Variants in SPATA6 observed in about 807,000 individuals in gnomAD.
SPATA6 encodes spermatogenesis-associated protein 6.
SPATA6 carries 56 observed loss-of-function variants against 65.3 expected under a neutral mutation model. The observed-to-expected ratio is 0.86, with a 90% confidence interval of 0.69 to 1.07. The LOEUF (loss-of-function observed/expected upper bound fraction) is 1.07, where lower values mean the gene tolerates loss of function less well. Ranked by LOEUF, SPATA6 falls within the 50% of genes least tolerant of loss-of-function variation. SPATA6 has a pLI of 0.00. For missense variants in SPATA6, 590 were observed against 594.8 expected (o/e 0.99, Z 0.08); for synonymous variants, 199 against 213.2 (o/e 0.93, Z 0.58).
intron 10 of SPATA6, among the ~76,000 whole-genome samples, chr1:48,358,829 A>G (rs910271055): frequency 2.6e-5 from 4 of 152,172 alleles, no homozygotes; most frequent in Admixed American, 2.6e-4. Flanking sequence ...TATATCCACT[A>G]TGAATACTTT....
chr1:48,291,905 T>C (rs112702519), downstream of SPATA6, among the ~76,000 whole-genome samples: 4,033 of 152,302 alleles, frequency 0.026, 52 homozygotes, highest in South Asian at 0.06. Context: ...ATTGCTTCTT[T>C]ATGTTTATGG....
intron 9 of SPATA6, among the ~76,000 whole-genome samples, chr1:48,368,984 C>T (rs1212953333): frequency 6.6e-6 from 1 of 152,148 alleles, no homozygotes; most frequent in Non-Finnish European, 1.5e-5. Context: ...TGTGGATGTC[C>T]TTTCTGTTTG....
intron 4 of SPATA6, among the ~76,000 whole-genome samples, chr1:48,411,893 C>T (rs1318500412): frequency 7.4e-5 from 11 of 149,132 alleles, no homozygotes; most frequent in African/African-American, 9.9e-5. Context: ...GATGGAGTTT[C>T]ACTCTTTTTG....
intron 3 of SPATA6, among the ~76,000 whole-genome samples, chr1:48,448,680 C>T (rs942176173): frequency 2.0e-5 from 3 of 152,124 alleles, no homozygotes. Context: ...GGAAACATTC[C>T]ATACAACAGA....
chr1:48,359,883 T>C, intron 9 of SPATA6, 113 bp from the exon 10 acceptor site: 1 of 765,382 alleles, frequency 1.3e-6, no homozygotes, highest in Non-Finnish European at 1.9e-6. Flanking sequence ...ACACACACAC[T>C]AATTTTATAA....
At chr1:48,288,384 C>G in the SPATA6 span, among the ~76,000 whole-genome samples, 2,990 of 152,224 alleles carry the variant, frequency 0.02, 119 homozygotes, top group East Asian at 0.2. Flanking sequence ...GATGGCTGAA[C>G]AGGAACAGCT....
At chr1:48,264,281 A>G in the SPATA6 span, among the ~76,000 whole-genome samples, 1 of 152,202 alleles carries the variant, frequency 6.6e-6, no homozygotes, top group East Asian at 1.9e-4. Context: ...TAAGGCATAC[A>G]AAGGATCTTC....
intron 4 of SPATA6, among the ~76,000 whole-genome samples, chr1:48,411,812 TTA>T (rs1472455616): frequency 6.6e-6 from 1 of 152,204 alleles, no homozygotes; most frequent in Non-Finnish European, 1.5e-5. Flanking sequence ...GGTCCAACAT[TTA>T]TATGTCAGTT....
chr1:48,399,304 A>G lies in SPATA6; in HGVS notation c.780+47T>C, dbSNP rs754329604. The G allele has an allele frequency of 3.9e-6, 6 of 1,556,048 alleles. No homozygotes were observed. In the South Asian group the frequency reaches 4.9e-5, roughly 13 times the overall value. On this transcript the variant is annotated intron_variant, in intron 7 of 12. Coordinates refer to ENST00000371847, the MANE Select transcript of SPATA6 (RefSeq NM_019073.4). ...ATTTCAGAATAACAGTTTTTTTGGG[A>G]AAAAAGCTGATCAGTTTCAAATAGA...
chr1:48,446,555 T>C (rs565056084), intron 3 of SPATA6, among the ~76,000 whole-genome samples: 1 of 152,222 alleles, frequency 6.6e-6, no homozygotes, highest in South Asian at 2.1e-4. Flanking sequence ...TCCTCTAATA[T>C]ACAAAGCTTC....
intron 3 of SPATA6, among the ~76,000 whole-genome samples, chr1:48,413,659 C>T (rs1233058011): frequency 6.6e-6 from 1 of 151,846 alleles, no homozygotes; most frequent in Non-Finnish European, 1.5e-5. Context: ...GTGGTGAGTA[C>T]AGTGAGATAC....
At position 48,399,404 on chromosome 1, in the gene SPATA6, C is replaced by T; in HGVS notation, c.727G>A (p.Gly243Arg). Residue 243 changes from glycine to arginine, a missense_variant, in exon 7 of 13, where the codon GGA (glycine) becomes AGA (arginine). Physicochemically the swap from Gly to Arg is moderately radical, Grantham distance 125 (BLOSUM62 -2). Coordinates refer to ENST00000371847, the MANE Select transcript of SPATA6 (RefSeq NM_019073.4). ...GTTTCTTTTTTGAACTCATAGGGTC[C>T]CAGATTTAAATGGGCCAGCCGCCGC... ...TRRRLAHLNL[G>R]PYEFKKETDK... 1 of 1,613,010 alleles carries T rather than the reference C, an allele frequency of 6.2e-7. No individual in the cohort carries two copies. The highest frequency in any genetic ancestry group is 1.3e-5 in the African/African-American group (1 of 74,902).
chr1:48,411,428 C>T (rs529406626), intron 5 of SPATA6, 36 bp downstream of exon 5: 96 of 1,581,966 alleles, frequency 6.1e-5, no homozygotes, highest in Non-Finnish European at 8.3e-5. Flanking sequence ...AATGATTTTC[C>T]ATCAAAAACT....
At chr1:48,337,250 G>A (rs936362743) in intron 11 of SPATA6, among the ~76,000 whole-genome samples, 1 of 151,770 alleles carries the variant, frequency 6.6e-6, no homozygotes, top group South Asian at 2.1e-4. Flanking sequence ...TGAAAATCAA[G>A]TGATTTGCTA....
intron 8 of SPATA6, among the ~76,000 whole-genome samples, 153 bp from the exon 9 acceptor site, chr1:48,385,502 C>T (rs1570407418): frequency 6.6e-6 from 1 of 152,044 alleles, no homozygotes; most frequent in African/African-American, 2.4e-5. Context: ...GGATAATAAT[C>T]CATTAGTTAA....
chr1:48,365,371 T>A (rs1285731125), intron 9 of SPATA6, among the ~76,000 whole-genome samples: 1 of 152,206 alleles, frequency 6.6e-6, no homozygotes. Flanking sequence ...TGGCATTGAA[T>A]CTGTAAATTA....
At chr1:48,285,927 T>A in the SPATA6 span, among the ~76,000 whole-genome samples, 2 of 152,212 alleles carry the variant, frequency 1.3e-5, no homozygotes, top group Non-Finnish European at 2.9e-5. Context: ...TTGAGGAGAC[T>A]ATCCTCTCCA....
At position 48,471,986 on chromosome 1, in the gene SPATA6, T is replaced by A; in HGVS notation, c.23A>T (p.Gln8Leu). The change falls in exon 1 of 13, where the codon CAG becomes CTG. Residue 8 changes from glutamine (Q) to leucine (L), a missense_variant. Gln to Leu is a moderately radical substitution (Grantham distance 113). Coordinates refer to ENST00000371847, the MANE Select transcript of SPATA6 (RefSeq NM_019073.4). The part of the protein sequence containing the change: MPKVKAL[Q>L]CALALEISSV... Reference sequence around the variant, plus strand: ...GCTGATCTCCAGCGCCAGGGCGCACTGCAGCGCCTTCACCTTCGGCATCCG... The same window carrying A: ...GCTGATCTCCAGCGCCAGGGCGCACAGCAGCGCCTTCACCTTCGGCATCCG... The A allele has an allele frequency of 6.3e-7, 1 of 1,592,862 alleles. No individual in the cohort carries two copies. The highest frequency in any genetic ancestry group is 8.5e-7 in the Non-Finnish European group (1 of 1,172,036).
chr1:48,397,446 T>A (rs1650710464), intron 7 of SPATA6, among the ~76,000 whole-genome samples: 1 of 151,746 alleles, frequency 6.6e-6, no homozygotes, highest in Non-Finnish European at 1.5e-5. Context: ...GCACCAGTTT[T>A]TTTTGGAAGC....
Sources: allele counts gnomAD v4.1 joint callset (sites outside exome capture counted in the v4.1 genomes callset), GRCh38; gene constraint gnomAD v4.1.1; transcripts MANE v1.5; gene names NCBI Gene and HGNC (gene_info 2026-07-23, HGNC 2026-07-21).